MTHFD1L: variants seen among roughly 807,000 people sequenced by gnomAD.
The protein encoded by MTHFD1L is methylenetetrahydrofolate dehydrogenase (NADP+ dependent) 1 like.
A neutral mutation model predicts 119.5 loss-of-function variants in MTHFD1L; 81 were observed. That is an observed-to-expected ratio of 0.68 (90% CI 0.57 to 0.82). The LOEUF is 0.82. Ranked by LOEUF, MTHFD1L falls within the 40% of genes least tolerant of loss-of-function variation. MTHFD1L has a pLI of 0.00. For missense variants in MTHFD1L, 1,125 were observed against 1,253.4 expected (o/e 0.90, Z 1.55); for synonymous variants, 430 against 475.2 (o/e 0.90, Z 1.24).
intron 20 of MTHFD1L, among the ~76,000 whole-genome samples, chr6:150,984,496 ACT>A (rs1380795922): frequency 1.3e-5 from 2 of 151,746 alleles, no homozygotes; most frequent in Non-Finnish European, 2.9e-5. Context: ...TACACGGTGC[ACT>A]GGGAATAGTA....
At chr6:150,874,947 A>G (rs766691179) in intron 1 of MTHFD1L, among the ~76,000 whole-genome samples, 4 of 151,270 alleles carry the variant, frequency 2.6e-5, no homozygotes, top group African/African-American at 7.3e-5. Flanking sequence ...ACGGGGTTTC[A>G]CCATATTGGC....
At chr6:150,991,650 C>T (rs1032015273) in intron 20 of MTHFD1L, among the ~76,000 whole-genome samples, 4 of 152,112 alleles carry the variant, frequency 2.6e-5, no homozygotes, top group South Asian at 2.1e-4. Flanking sequence ...AGAGAGCAAA[C>T]GACAGGCATG....
At chr6:150,888,568 C>A (rs1253509554) in intron 7 of MTHFD1L, among the ~76,000 whole-genome samples, 1 of 151,838 alleles carries the variant, frequency 6.6e-6, no homozygotes, top group Non-Finnish European at 1.5e-5. Context: ...TTAAGAAGAC[C>A]CATATAAAAG....
chr6:150,930,857 T>A (rs181868452), intron 11 of MTHFD1L, among the ~76,000 whole-genome samples: 4 of 152,358 alleles, frequency 2.6e-5, no homozygotes, highest in East Asian at 3.8e-4. Context: ...TAAAAAGCCA[T>A]TCTTCAAACT....
intron 5 of MTHFD1L, among the ~76,000 whole-genome samples, chr6:150,884,952 G>T (rs1781984007): frequency 6.6e-6 from 1 of 152,114 alleles, no homozygotes; most frequent in African/African-American, 2.4e-5. Flanking sequence ...GTTTTGAGTG[G>T]ACTGCAGGAC....
At chr6:150,880,840 T>C (rs1172891650) in intron 4 of MTHFD1L, among the ~76,000 whole-genome samples, 1 of 152,242 alleles carries the variant, frequency 6.6e-6, no homozygotes, top group Non-Finnish European at 1.5e-5. Context: ...CCCTGATAAT[T>C]AATGATGTTG....
chr6:150,965,110 A>G (rs777537952), intron 19 of MTHFD1L, 73 bp downstream of exon 19: 2 of 1,366,318 alleles, frequency 1.5e-6, no homozygotes, highest in Admixed American at 3.4e-5. Context: ...TTTTTAGCCA[A>G]TATGAGGCAG....
intron 27 of MTHFD1L, among the ~76,000 whole-genome samples, chr6:151,098,688 A>T (rs1413426764): frequency 6.6e-6 from 1 of 152,228 alleles, no homozygotes; most frequent in Admixed American, 6.5e-5. Context: ...CCATGCCAGA[A>T]TAGACTGTTT....
rs779893572 is a variant in MTHFD1L at position 150,972,007 on chromosome 6, G to A, written c.2074G>A (p.Val692Met). ...TAACATTGCTCACGGCAACTCTTCAGTGTTGGCTGATAAAATTGCCCTGAA... is the reference window on the plus strand; with the variant it reads ...TAACATTGCTCACGGCAACTCTTCAATGTTGGCTGATAAAATTGCCCTGAA... ...FANIAHGNSS[V>M]LADKIALKLV... The change falls in exon 20 of 28, where the codon GTG becomes ATG. Residue 692 changes from valine to methionine, a missense_variant. This residue lies in a region of MTHFD1L where 1,058 missense variants were observed against 1,151.2 expected (regional missense o/e 0.92). Coordinates refer to ENST00000367321, the MANE Select transcript of MTHFD1L (RefSeq NM_015440.5). The A allele has an allele frequency of 1.9e-6, 3 of 1,614,144 alleles. No individual in the cohort carries two copies. The highest frequency in any genetic ancestry group is 2.5e-6 in the Non-Finnish European group (3 of 1,180,018).
Position 150,865,764 on chromosome 6 carries a change from GC to G in MTHFD1L, c.-55del. On this transcript the variant is annotated 5_prime_UTR_variant, in exon 1 of 28. Transcript: ENST00000367321. ...GCCGCCGCCTGCTCCCCTGGCACGC[GC>G]CCCGCCGCCCTCGGCAGCCGCAGCT... 1.6e-6 allele frequency: 2 copies of G among 1,212,562 alleles called. No individual in the cohort carries two copies. Among genetic ancestry groups the G allele is most frequent in the South Asian group, 2.1e-5 (1 of 46,590 alleles). 75.1% of individuals were successfully genotyped at this position (1,212,562 alleles called of 1,614,324 possible).
At chr6:151,099,584 TC>T (rs1473690767) in intron 27 of MTHFD1L, 1 of 1,608,888 alleles carries the variant, frequency 6.2e-7, no homozygotes, top group African/African-American at 1.3e-5. Flanking sequence ...ACCAAGAAGT[TC>T]ATCCGGCACC....
chr6:150,984,237 G>A (rs1439073871), intron 20 of MTHFD1L, among the ~76,000 whole-genome samples: 1 of 152,164 alleles, frequency 6.6e-6, no homozygotes, highest in Non-Finnish European at 1.5e-5. Context: ...AAATATGAAA[G>A]TAATGGAAAG....
In MTHFD1L at chr6:151,034,547, G is replaced by T; in HGVS notation, c.2641G>T (p.Asp881Tyr). The T allele has an allele frequency of 1.9e-6, 3 of 1,611,952 alleles. No individual in the cohort carries two copies. Among genetic ancestry groups the T allele is most frequent in the Non-Finnish European group, 2.5e-6 (3 of 1,179,832 alleles). ...TIAQAVYGAK[D>Y]IELSPEAQAK... is the part of the protein sequence containing the mutation. ...TGCTCAGGCTGTCTATGGAGCCAAAGATATTGAACTCTCTCCTGAGGCACA... is the reference window on the plus strand; with the variant it reads ...TGCTCAGGCTGTCTATGGAGCCAAATATATTGAACTCTCTCCTGAGGCACA... The change falls in exon 25 of 28, where the codon GAT (aspartate) becomes TAT (tyrosine). Residue 881 changes from aspartate to tyrosine, a missense_variant. Transcript: ENST00000367321.
intron 18 of MTHFD1L, among the ~76,000 whole-genome samples, chr6:150,963,105 G>A (rs951952054): frequency 2.0e-5 from 3 of 151,764 alleles, no homozygotes; most frequent in African/African-American, 7.3e-5. Context: ...TAGTAGAGAT[G>A]GGGTTTTGCT....
At chr6:150,867,521 A>G (rs1408368168) in intron 1 of MTHFD1L, among the ~76,000 whole-genome samples, 1 of 152,204 alleles carries the variant, frequency 6.6e-6, no homozygotes, top group East Asian at 1.9e-4. Flanking sequence ...CTTACCGGTT[A>G]GAGTCTGAAG....
chr6:151,064,332 T>G (rs974009368), intron 26 of MTHFD1L, among the ~76,000 whole-genome samples: 1 of 152,138 alleles, frequency 6.6e-6, no homozygotes, highest in Non-Finnish European at 1.5e-5. Context: ...TATTATTATT[T>G]GAGATGGAGT....
Position 151,039,167 on chromosome 6 carries a change from C to A in MTHFD1L, c.2847+2050C>A, listed in dbSNP as rs1440941656. The stretch of plus-strand genomic sequence containing the variant: ...CCTAGCAGGGGTGCCTTCCAGGAGG[C>A]GGGAAGGAAGGAGCAGCGGCATGGC... On this transcript the variant is annotated intron_variant, in intron 26 of 27. Transcript: ENST00000367321. The surrounding 1 kb of genome is among the most constrained non-coding windows in gnomAD (Gnocchi z 4.4). Among the ~76,000 whole-genome samples the A allele has an allele frequency of 6.6e-6, 1 of 151,938 alleles. No individual in the cohort carries two copies. The highest frequency in any genetic ancestry group is 2.4e-5 in the African/African-American group (1 of 41,348).
At chr6:151,093,491 T>C (rs903843407) in intron 27 of MTHFD1L, among the ~76,000 whole-genome samples, 5 of 151,954 alleles carry the variant, frequency 3.3e-5, no homozygotes, top group African/African-American at 1.2e-4. Flanking sequence ...ACCCCGTCTC[T>C]ACTAAAAATA....
chr6:150,917,507 A>AT (rs71554489), intron 8 of MTHFD1L, among the ~76,000 whole-genome samples: 2 of 151,672 alleles, frequency 1.3e-5, no homozygotes, highest in South Asian at 4.2e-4. Flanking sequence ...AAAAAAAAAA[A>AT]TTTTTTTAGA....
Sources: allele counts gnomAD v4.1 joint callset (sites outside exome capture counted in the v4.1 genomes callset), GRCh38; gene constraint gnomAD v4.1.1; regional missense constraint gnomAD v4.1.1; non-coding constraint Gnocchi (gnomAD v3.1); transcripts MANE v1.5; gene names NCBI Gene and HGNC (gene_info 2026-07-23, HGNC 2026-07-21).